ABCC3: variants seen among roughly 807,000 people sequenced by gnomAD.
ABCC3 encodes ATP binding cassette subfamily C member 3, also known as ATP-binding cassette sub-family C member 3.
In ABCC3, 121 loss-of-function variants were observed where a neutral mutation model predicts 165.3. That is an observed-to-expected ratio of 0.73 (90% CI 0.63 to 0.85). The LOEUF is 0.85. Among genes scored for constraint, ABCC3 ranks in the 40% least tolerant of loss-of-function variants. The pLI, the probability that ABCC3 is intolerant of heterozygous loss-of-function variation, is 0.00. For synonymous variants in ABCC3, 733 were observed against 810.1 expected (o/e 0.90, Z 1.62); for missense variants, 1,869 against 1,964.1 (o/e 0.95, Z 0.92).
At chr17:50,678,695 C>T (rs907747707) in intron 25 of ABCC3, among the ~76,000 whole-genome samples, 2 of 152,124 alleles carry the variant, frequency 1.3e-5, no homozygotes, top group East Asian at 1.9e-4. Context: ...CGGAGGTGGG[C>T]GGATCACCTG....
rs781377638 is a variant in ABCC3, at chr17:50,667,661, G to C, written c.1539G>C (p.Gln513His). Reference sequence around the variant, plus strand: ...CCTGGGAGCCCAGCTTCCTGAAGCAGGTGGAGGGCATCAGGCAGGGTGAGC... The same window carrying C: ...CCTGGGAGCCCAGCTTCCTGAAGCACGTGGAGGGCATCAGGCAGGGTGAGC... Reference protein sequence around the residue: ...LYAWEPSFLKQVEGIRQGELQ... With the variant: ...LYAWEPSFLKHVEGIRQGELQ... The change falls in exon 12 of 31, where the codon CAG becomes CAC. Residue 513 changes from glutamine (Q) to histidine (H), a missense_variant. Physicochemically the swap from Gln to His is conservative, Grantham distance 24 (BLOSUM62 0). Coordinates refer to ENST00000285238, the MANE Select transcript of ABCC3 (RefSeq NM_003786.4). 1.2e-6 allele frequency: 2 copies of C among 1,614,084 alleles called. No individual in the cohort carries two copies.
chr17:50,684,789 T>C lies in ABCC3; in HGVS notation c.4194T>C (p.Ala1398=), dbSNP rs748509740. 1.9e-6 allele frequency: 3 copies of C among 1,614,018 alleles called. No individual in the cohort carries two copies. The highest frequency in any genetic ancestry group is 2.7e-5 in the African/African-American group (2 of 74,890). Reference sequence around the variant, plus strand: ...ACTCAGAGGAGGACATTTGGTGGGCTTTGGAGCTGTCCCACCTGCACACGT... The same window carrying C: ...ACTCAGAGGAGGACATTTGGTGGGCCTTGGAGCTGTCCCACCTGCACACGT... ...GSYSEEDIWW[A]LELSHLHTFV... The change falls in exon 29 of 31, where the codon GCT becomes GCC. Residue 1398 remains alanine (A), a synonymous_variant. Transcript: ENST00000285238.
chr17:50,673,103 C>T lies in ABCC3; in HGVS notation c.2374C>T (p.His792Tyr). The T allele has an allele frequency of 6.2e-7, 1 of 1,614,130 alleles. No homozygotes were observed. Among genetic ancestry groups the T allele is most frequent in the South Asian group, 1.1e-5 (1 of 91,084 alleles). ...TCATGTGGCCAAGCACATCTTTGACCACGTCATCGGGCCAGAAGGCGTGCT... is the reference window on the plus strand; with the variant it reads ...TCATGTGGCCAAGCACATCTTTGACTACGTCATCGGGCCAGAAGGCGTGCT... Reference protein sequence around the residue: ...DSHVAKHIFDHVIGPEGVLAG... With the variant: ...DSHVAKHIFDYVIGPEGVLAG... Residue 792 changes from histidine to tyrosine, a missense_variant, in exon 18 of 31, where the codon CAC (histidine) becomes TAC (tyrosine). Physicochemically the swap from His to Tyr is moderately conservative, Grantham distance 83. Coordinates refer to ENST00000285238, the MANE Select transcript of ABCC3 (RefSeq NM_003786.4).
chr17:50,659,360 G>C lies in ABCC3; in HGVS notation c.798G>C (p.Gln266His). The change falls in exon 7 of 31, where the codon CAG becomes CAC. Residue 266 changes from glutamine to histidine, a missense_variant. Transcript: ENST00000285238. ...LLEAWRKQEK[Q>H]TARHKASAAP... is the part of the protein sequence containing the mutation. ...AGGCATGGAGGAAGCAGGAAAAGCA[G>C]ACGGCACGGTGAGGCCCTCCCCTTG... is the stretch of plus-strand genomic sequence containing the variant. The C allele has an allele frequency of 6.2e-7, 1 of 1,609,420 alleles. No individual in the cohort carries two copies. The highest frequency in any genetic ancestry group is 8.5e-7 in the Non-Finnish European group (1 of 1,176,458).
chr17:50,677,723 A>C, intron 23 of ABCC3, 21 bp from the exon 24 acceptor site: 1 of 1,606,308 alleles, frequency 6.2e-7, no homozygotes, highest in South Asian at 1.1e-5. Flanking sequence ...CCTGACCCCA[A>C]ACTCCTTCTC....
chr17:50,655,250 A>G (rs1967204599), intron 1 of ABCC3, among the ~76,000 whole-genome samples: 1 of 150,708 alleles, frequency 6.6e-6, no homozygotes, highest in Non-Finnish European at 1.5e-5. Context: ...TACTAAAAAT[A>G]CAAAAATTAG....
intron 29 of ABCC3, among the ~76,000 whole-genome samples, chr17:50,686,804 C>A (rs186984859): frequency 6.6e-6 from 1 of 152,082 alleles, no homozygotes; most frequent in Non-Finnish European, 1.5e-5. Context: ...TCATTAGTTG[C>A]GGGAATGGGC....
chr17:50,681,825 G>A (rs140723561), intron 26 of ABCC3, among the ~76,000 whole-genome samples: 6 of 151,894 alleles, frequency 4.0e-5, no homozygotes, highest in African/African-American at 1.5e-4. Flanking sequence ...TGGAGTCCTC[G>A]TGGATTCCGT....
At position 50,684,053 on chromosome 17, in the gene ABCC3, T is replaced by C. The variant is rs201692319; in HGVS notation, c.4059T>C (p.Asn1353=). 2.1e-4 allele frequency: 335 copies of C among 1,613,256 alleles called. No homozygotes were observed. Among genetic ancestry groups the C allele is most frequent in the Admixed American group, 2.7e-4 (16 of 59,756 alleles). The change falls in exon 28 of 31, where the codon AAT becomes AAC. Residue 1353 remains asparagine, a synonymous_variant. Coordinates refer to ENST00000285238, the MANE Select transcript of ABCC3 (RefSeq NM_003786.4). The part of the protein sequence containing the change: ...AKGEIRIDGL[N]VADIGLHDLR... ...GTGAAATCCGCATTGATGGCCTCAA[T>C]GTGGCAGACATCGGCCTCCATGACC...
chr17:50,635,657 G>C (rs2054172893), intron 1 of ABCC3: 1 of 694,358 alleles, frequency 1.4e-6, no homozygotes, highest in East Asian at 2.7e-5. Flanking sequence ...TGGAGAAAGG[G>C]AGGCCCAGAG....
chr17:50,687,689 G>T lies in ABCC3; in HGVS notation c.4434G>T (p.Leu1478=). 1 of 1,614,218 alleles carries T rather than the reference G, an allele frequency of 6.2e-7. No homozygotes were observed. The highest frequency in any genetic ancestry group is 1.1e-5 in the South Asian group (1 of 91,064). The change falls in exon 30 of 31, where the codon CTG becomes CTT. Residue 1478 remains leucine (L), a synonymous_variant. Transcript: ENST00000285238. ...CCCAGTTTGATACCTGCACTGTCCT[G>T]ACCATCGCACACCGGCTTAACACTA... is the stretch of plus-strand genomic sequence containing the variant. ...IRTQFDTCTV[L]TIAHRLNTIM...
intron 29 of ABCC3, 171 bp from the exon 30 acceptor site, chr17:50,687,365 A>T: frequency 1.6e-6 from 1 of 630,328 alleles, no homozygotes; most frequent in Non-Finnish European, 2.7e-6. Context: ...TCATTATCCC[A>T]ATGGTGTCCA....
In ABCC3 at chr17:50,664,054, C is replaced by T. The variant is rs753182773; in HGVS notation, c.1281C>T (p.Leu427=). ...AQRFMDLAPF[L]NLLWSAPLQI... ...GCTTCATGGACCTTGCCCCCTTCCT[C>T]AATCTGCTGTGGTCAGCACCCCTGC... is the stretch of plus-strand genomic sequence containing the variant. The change falls in exon 10 of 31, where the codon CTC becomes CTT. Residue 427 remains leucine (L), a synonymous_variant. Transcript: ENST00000285238. 6.2e-7 allele frequency: 1 copy of T among 1,614,226 alleles called. No homozygotes were observed. The highest frequency in any genetic ancestry group is 8.5e-7 in the Non-Finnish European group (1 of 1,180,046).
chr17:50,662,637 C>CA (rs60389534), intron 8 of ABCC3, among the ~76,000 whole-genome samples: 6,639 of 74,726 alleles, frequency 0.089, 625 homozygotes, highest in African/African-American at 0.23. Context: ...GACCCTGTCT[C>CA]AAAAAAAAAA....
Position 50,686,077 on chromosome 17 carries a change from C to T in ABCC3, c.4280+1202C>T, listed in dbSNP as rs940034443. On this transcript the variant is annotated intron_variant, in intron 29 of 30. Transcript: ENST00000285238. ...GGCGTGATGGCGGGCGCCTGTAATC[C>T]CAGCTATTCGAGAAGCCAAGGCAGG... Among the ~76,000 whole-genome samples, 4 of 152,216 alleles carry T rather than the reference C, an allele frequency of 2.6e-5. No homozygotes were observed. In the East Asian group the frequency reaches 7.7e-4, roughly 29 times the overall value.
rs1434921844 is a variant in ABCC3, at chr17:50,659,280, C to T, written c.718C>T (p.Leu240Phe). 22 of 1,613,852 alleles carry T rather than the reference C, an allele frequency of 1.4e-5. No individual in the cohort carries two copies. The highest frequency in any genetic ancestry group is 1.8e-5 in the Non-Finnish European group (21 of 1,179,914). Residue 240 changes from leucine to phenylalanine, a missense_variant, in exon 7 of 31, where the codon CTC becomes TTC. Coordinates refer to ENST00000285238, the MANE Select transcript of ABCC3 (RefSeq NM_003786.4). ...GYRHPLEEKD[L>F]WSLKEEDRSQ... ...CCGGCATCCCCTGGAGGAGAAGGAC[C>T]TCTGGTCCCTAAAGGAAGAGGACAG...
intron 23 of ABCC3, among the ~76,000 whole-genome samples, 181 bp from the exon 24 acceptor site, chr17:50,677,563 G>GTGAA (rs1967845350): frequency 6.6e-6 from 1 of 152,116 alleles, no homozygotes; most frequent in Non-Finnish European, 1.5e-5. Flanking sequence ...GAGGGAGGGA[G>GTGAA]TGAATGACAC....
At chr17:50,639,077 A>G (rs765717274) in intron 1 of ABCC3, among the ~76,000 whole-genome samples, 44 of 152,172 alleles carry the variant, frequency 2.9e-4, no homozygotes, top group Non-Finnish European at 5.9e-4. Flanking sequence ...TTGACTCACA[A>G]ATGAAGACAG....
Position 50,691,380 on chromosome 17 carries a change from A to G in ABCC3, c.*180A>G. The G allele has an allele frequency of 5.3e-6, 3 of 563,766 alleles. No individual in the cohort carries two copies. Among genetic ancestry groups the G allele is most frequent in the South Asian group, 2.0e-5 (1 of 50,288 alleles). 34.9% of individuals were successfully genotyped at this position (563,766 alleles called of 1,614,324 possible). On this transcript the variant is annotated 3_prime_UTR_variant, in exon 31 of 31. Coordinates refer to ENST00000285238, the MANE Select transcript of ABCC3 (RefSeq NM_003786.4). The stretch of plus-strand genomic sequence containing the variant: ...GCTTTAGATGAGGAAATGATCCCCA[A>G]GTGGTGAATGACACGCCTAAGGTCA...
Sources: allele counts gnomAD v4.1 joint callset (sites outside exome capture counted in the v4.1 genomes callset), GRCh38; gene constraint gnomAD v4.1.1; transcripts MANE v1.5; gene names NCBI Gene and HGNC (gene_info 2026-07-23, HGNC 2026-07-21).